Variants in CCND3 observed in about 807,000 individuals in gnomAD.
CCND3 encodes G1/S-specific cyclin-D3.
In CCND3, 9 loss-of-function variants were observed where a neutral mutation model predicts 28.7. The ratio of observed to expected loss-of-function variants is 0.31; its 90% CI spans 0.19 to 0.55. The LOEUF (loss-of-function observed/expected upper bound fraction) is 0.55, where lower values mean the gene tolerates loss of function less well. Among genes scored for constraint, CCND3 ranks in the 20% least tolerant of loss-of-function variants. The probability of loss-of-function intolerance (pLI) is 0.93; values close to 1 mark genes in which losing one functional copy is unlikely to be tolerated. For missense variants in CCND3, 315 were observed against 385.8 expected (o/e 0.82, Z 1.54); for synonymous variants, 164 against 163.9 (o/e 1.00, Z 0.00).
chr6:41,953,101 G>C (rs1582101917), intron 1 of CCND3, among the ~76,000 whole-genome samples: 2 of 152,032 alleles, frequency 1.3e-5, no homozygotes, highest in East Asian at 3.9e-4. Context: ...GTGAAACCCT[G>C]TCTCTACTAA....
chr6:42,008,597 A>G (rs973970009), intron 1 of CCND3, among the ~76,000 whole-genome samples: 3 of 152,210 alleles, frequency 2.0e-5, no homozygotes, highest in Admixed American at 6.5e-5. Context: ...GGCTTGTTAA[A>G]ATGTAGGATT....
chr6:41,991,130 C>T (rs774562974), intron 1 of CCND3, among the ~76,000 whole-genome samples: 3 of 151,886 alleles, frequency 2.0e-5, no homozygotes, highest in Non-Finnish European at 2.9e-5. Context: ...GTGATCTCAG[C>T]TCACTGCAAC....
chr6:41,960,549 G>T (rs1311602024), intron 1 of CCND3, among the ~76,000 whole-genome samples: 1 of 152,202 alleles, frequency 6.6e-6, no homozygotes, highest in African/African-American at 2.4e-5. Context: ...TCTACCACTT[G>T]TGTGTGACCG....
At chr6:42,030,077 G>C (rs1290078840) in intron 1 of CCND3, 3 of 152,228 alleles carry the variant, frequency 2.0e-5, no homozygotes, top group Non-Finnish European at 4.4e-5. Context: ...AGGAATACAG[G>C]TGTGTCCACG....
chr6:42,044,950 G>C (rs981719339), intron 1 of CCND3, among the ~76,000 whole-genome samples: 1 of 130,768 alleles, frequency 7.6e-6, no homozygotes, highest in Non-Finnish European at 1.6e-5. Flanking sequence ...GACCACGCCC[G>C]GCTAACGTTT....
At chr6:41,944,594 G>A (rs1444559806), upstream of CCND3, among the ~76,000 whole-genome samples, 1 of 151,904 alleles carries the variant, frequency 6.6e-6, no homozygotes, top group Non-Finnish European at 1.5e-5. Context: ...GCTAATTTTT[G>A]TATTTTCAGT....
chr6:42,028,907 A>C (rs1763962968), intron 1 of CCND3, among the ~76,000 whole-genome samples: 1 of 151,776 alleles, frequency 6.6e-6, no homozygotes, highest in Non-Finnish European at 1.5e-5. Context: ...GCAGCCACAC[A>C]GGGTCCCATG....
chr6:42,012,917 C>T (rs1212576708), intron 1 of CCND3, among the ~76,000 whole-genome samples: 1 of 152,186 alleles, frequency 6.6e-6, no homozygotes, highest in Non-Finnish European at 1.5e-5. Context: ...CCTCTCACAG[C>T]CTGTTCCATT....
At chr6:42,042,528 T>A (rs958974883) in intron 1 of CCND3, among the ~76,000 whole-genome samples, 7 of 152,074 alleles carry the variant, frequency 4.6e-5, no homozygotes, top group African/African-American at 1.4e-4. Flanking sequence ...ACCCAGCTAA[T>A]TTTGTCTTTT....
At position 41,962,998 on chromosome 6, in the gene CCND3, G is replaced by T. The variant is rs373752844; in HGVS notation, c.-45-22413C>A. ...AATCTCTTGCCCTCGTGATCTGCCC[G>T]CCTCGGCCTCCCAAAGTGCTGGGAT... On this transcript the variant is annotated intron_variant, in intron 1 of 4. Transcript: ENST00000372988. Among the ~76,000 whole-genome samples the T allele has an allele frequency of 4.6e-5, 7 of 152,226 alleles. No homozygotes were observed. The East Asian group carries it at 1.4e-3, about 30-fold the overall frequency.
intron 1 of CCND3, among the ~76,000 whole-genome samples, chr6:42,016,733 C>T (rs1215772357): frequency 1.3e-5 from 2 of 151,862 alleles, no homozygotes; most frequent in African/African-American, 4.8e-5. Context: ...TACAGGCACC[C>T]GCCATCATGC....
chr6:41,954,596 A>C (rs1776396660), intron 1 of CCND3, among the ~76,000 whole-genome samples: 1 of 151,492 alleles, frequency 6.6e-6, no homozygotes, highest in Non-Finnish European at 1.5e-5. Context: ...AGGGGGCTTT[A>C]CTGTGTTACC....
intron 1 of CCND3, among the ~76,000 whole-genome samples, chr6:42,016,238 G>A (rs1763505332): frequency 6.6e-6 from 1 of 152,086 alleles, no homozygotes; most frequent in Non-Finnish European, 1.5e-5. Context: ...CCCAGCCACA[G>A]TATGTTTTTT....
Position 41,959,043 on chromosome 6 carries a change from G to A in CCND3, c.-45-18458C>T, listed in dbSNP as rs147334900. Among the ~76,000 whole-genome samples, 843 of 152,130 alleles carry A rather than the reference G, an allele frequency of 5.5e-3. 9 individuals are homozygous for A. The highest frequency in any genetic ancestry group is 0.019 in the African/African-American group (789 of 41,492). On this transcript the variant is annotated intron_variant, in intron 1 of 4. Transcript: ENST00000372988. Reference sequence around the variant, plus strand: ...AAATGTCAGAGGATCGGCCGGGCACGGTGGCTCACGCCTGTAATCCCAGCA... The same window carrying A: ...AAATGTCAGAGGATCGGCCGGGCACAGTGGCTCACGCCTGTAATCCCAGCA...
chr6:41,951,172 C>T (rs934240792), intron 1 of CCND3, among the ~76,000 whole-genome samples: 1 of 152,002 alleles, frequency 6.6e-6, no homozygotes, highest in African/African-American at 2.4e-5. Context: ...GGTGGGCTGT[C>T]CTGGGACTGG....
chr6:42,011,601 A>G (rs2127427934), intron 1 of CCND3, among the ~76,000 whole-genome samples: 1 of 152,308 alleles, frequency 6.6e-6, no homozygotes, highest in African/African-American at 2.4e-5. Context: ...ACAAAGGGTT[A>G]GTAAATTGCT....
Position 41,941,196 on chromosome 6 carries a change from T to G in CCND3, c.198+256A>C. 1 of 1,438,452 alleles carries G rather than the reference T, an allele frequency of 7.0e-7. No individual in the cohort carries two copies. The highest frequency in any genetic ancestry group is 1.5e-5 in the South Asian group (1 of 67,592). The allele number at this position is 1,438,452 out of a possible 1,614,324, so 89.1% of individuals were successfully genotyped here. A position where few individuals can be genotyped will look rare whatever the true frequency, so the allele number is the denominator to read the frequency against. On this transcript the variant is annotated intron_variant, in intron 1 of 4. Transcript: ENST00000372991. The surrounding 1 kb of genome is among the most constrained non-coding windows in gnomAD (Gnocchi z 6.1). Reference sequence around the variant, plus strand: ...GCCGAAGGGGAGAGAGTGTCCTTGGTCCCGTTTGCTCGGCCCGAAGAGAGG... The same window carrying G: ...GCCGAAGGGGAGAGAGTGTCCTTGGGCCCGTTTGCTCGGCCCGAAGAGAGG...
rs990630394 is a variant in CCND3, at chr6:41,951,161, G to C, written c.-45-10576C>G. Among the ~76,000 whole-genome samples, 3 of 152,212 alleles carry C rather than the reference G, an allele frequency of 2.0e-5. No homozygotes were observed. In the East Asian group the frequency reaches 5.8e-4, roughly 29 times the overall value. On this transcript the variant is annotated intron_variant, in intron 1 of 4. Coordinates refer to the CCND3 transcript ENST00000372988. The stretch of plus-strand genomic sequence containing the variant: ...GGCAGGGTGGTTTGTGTGACAGGAA[G>C]GGTGGGCTGTCCTGGGACTGGTGGA...
intron 1 of CCND3, among the ~76,000 whole-genome samples, chr6:42,036,586 T>C (rs986572570): frequency 1.3e-5 from 2 of 150,610 alleles, no homozygotes; most frequent in African/African-American, 2.4e-5. Context: ...GGGTCTTTTG[T>C]AGAGACAAAA....
Sources: allele counts gnomAD v4.1 joint callset (sites outside exome capture counted in the v4.1 genomes callset), GRCh38; gene constraint gnomAD v4.1.1; non-coding constraint Gnocchi (gnomAD v3.1); transcripts MANE v1.5; gene names NCBI Gene and HGNC (gene_info 2026-07-23, HGNC 2026-07-21).